The following CCDC40 variants were observed in gnomAD, a reference collection of about 807,000 sequenced individuals.
CCDC40 encodes the protein coiled-coil domain 40 molecular ruler complex subunit, also known as coiled-coil domain-containing protein 40.
A neutral mutation model predicts 124.5 loss-of-function variants in CCDC40; 104 were observed. The observed-to-expected ratio is 0.84, with a 90% confidence interval of 0.71 to 0.98. CCDC40 has a LOEUF of 0.98. CCDC40 is among the 50% of genes least tolerant of loss of function. CCDC40 has a pLI of 0.00. For missense variants in CCDC40, 1,463 were observed against 1,503.9 expected, an observed-to-expected ratio of 0.97 and a Z score of 0.45; for synonymous variants, 580 against 602.9, an observed-to-expected ratio of 0.96 and a Z score of 0.56.
chr17:80,075,784 A>G (rs1402017870), intron 10 of CCDC40, among the ~76,000 whole-genome samples: 2 of 149,844 alleles, frequency 1.3e-5, no homozygotes, highest in South Asian at 2.1e-4. Flanking sequence ...CGGCCCCAAA[A>G]TATCACCTTT....
intron 7 of CCDC40, chr17:80,051,400 C>A: frequency 2.7e-5 from 10 of 364,820 alleles, no homozygotes; most frequent in Non-Finnish European, 3.8e-5. Context: ...GAGGCCGAGG[C>A]GGGCGGATCA....
intron 19 of CCDC40, chr17:80,097,814 C>G: frequency 4.4e-6 from 1 of 227,612 alleles, no homozygotes; most frequent in Non-Finnish European, 8.9e-6. Flanking sequence ...GTGGGAGGAT[C>G]GCTTGAGCCT....
Position 80,081,555 on chromosome 17 carries a change from G to A in CCDC40, c.1572G>A (p.Gln524=), listed in dbSNP as rs754036161. Residue 524 remains glutamine, a synonymous_variant, in exon 11 of 20, where the codon CAG becomes CAA. Coordinates refer to ENST00000397545, the MANE Select transcript of CCDC40 (RefSeq NM_017950.4). ...RAVLEALRGC[Q]HQAKSTDGEI... ...CGCTGCATTTCTACAGAGGATGCCAGCATCAAGCCAAATCCACCGACGGCG... is the reference window on the plus strand; with the variant it reads ...CGCTGCATTTCTACAGAGGATGCCAACATCAAGCCAAATCCACCGACGGCG... The A allele has an allele frequency of 6.2e-7, 1 of 1,613,572 alleles. No individual in the cohort carries two copies. The highest frequency in any genetic ancestry group is 8.5e-7 in the Non-Finnish European group (1 of 1,180,040).
In CCDC40 at chr17:80,037,688, A is replaced by AAAAAATATATATAT; in HGVS notation, c.30-434_30-433insAAAATATATATATA. 1.7e-3 allele frequency among the ~76,000 whole-genome samples: 78 copies of AAAAAATATATATAT among 45,702 alleles called. 1 individual carries two copies. Among genetic ancestry groups the AAAAAATATATATAT allele is most frequent in the African/African-American group, 4.3e-3 (73 of 16,970 alleles). The allele number at this position is 45,702 out of a possible 152,430, so 30.0% of individuals were successfully genotyped here. A position where few individuals can be genotyped will look rare whatever the true frequency, so the allele number is the denominator to read the frequency against. ...AGCTTGAATCTTTAATTTTTTAAAA[A>AAAAAATATATATAT]AGATATACATATATATATATATATA... On this transcript the variant is annotated intron_variant, in intron 1 of 19. Transcript: ENST00000397545.
At position 80,067,475 on chromosome 17, in the gene CCDC40, C is replaced by T. The variant is rs1026832235; in HGVS notation, c.1562+1869C>T. On this transcript the variant is annotated intron_variant, in intron 10 of 19. Transcript: ENST00000397545. Reference sequence around the variant, plus strand: ...GTGGGAGCACACCACACTCACTGTTCTGCACCTCTTTGCTTTTTCCATTTA... The same window carrying T: ...GTGGGAGCACACCACACTCACTGTTTTGCACCTCTTTGCTTTTTCCATTTA... The T allele has an allele frequency of 5.5e-6, 5 of 909,454 alleles. No individual in the cohort carries two copies. The Admixed American group carries it at 1.0e-4, about 18-fold the overall frequency. 56.3% of individuals were successfully genotyped at this position (909,454 alleles called of 1,614,324 possible). A position where few individuals can be genotyped will look rare whatever the true frequency, so the allele number is the denominator to read the frequency against.
Position 80,087,899 on chromosome 17 carries a change from T to C in CCDC40, c.2620-112T>C. ...CCCGTTCAAGATGCTTGTAGGGGTA[T>C]TAGAAATCCAGCCTGCAGCCCTGCC... On this transcript the variant is annotated intron_variant, in intron 15 of 19. Coordinates refer to ENST00000397545, the MANE Select transcript of CCDC40 (RefSeq NM_017950.4). This position sits in a 1 kb window ranked among gnomAD's most constrained non-coding sequence, Gnocchi z 4.5. 3.1e-6 allele frequency: 4 copies of C among 1,285,472 alleles called. No individual in the cohort carries two copies. Among genetic ancestry groups the C allele is most frequent in the Admixed American group, 3.4e-5 (2 of 59,440 alleles). 79.6% of individuals were successfully genotyped at this position (1,285,472 alleles called of 1,614,324 possible).
At chr17:80,085,017 C>A in intron 13 of CCDC40, 29 bp downstream of exon 13, 1 of 1,611,208 alleles carries the variant, frequency 6.2e-7, no homozygotes, top group East Asian at 2.2e-5. Context: ...AGACGTGGTC[C>A]CCGGCTGACT....
intron 7 of CCDC40, among the ~76,000 whole-genome samples, chr17:80,051,096 C>G (rs1174320564): frequency 1.3e-5 from 2 of 152,186 alleles, no homozygotes. Context: ...ATGTAGGTGA[C>G]CGGGGACAGT....
In CCDC40 at chr17:80,086,239, C is replaced by T. The variant is rs752207826; in HGVS notation, c.2449+23C>T. ...AAAGTAAGAGCCGCCGTGCCCGGCC[C>T]TGCAGTGATGCTGAGACGAGCTCTG... On this transcript the variant is annotated intron_variant, in intron 14 of 19. Transcript: ENST00000397545. This position sits in a 1 kb window ranked among gnomAD's most constrained non-coding sequence, Gnocchi z 5.5. 27 of 1,560,862 alleles carry T rather than the reference C, an allele frequency of 1.7e-5. No individual in the cohort carries two copies. Among genetic ancestry groups the T allele is most frequent in the Non-Finnish European group, 2.3e-5 (27 of 1,150,802 alleles).
chr17:80,097,902 AAAGAAAAGAAAAG>A, intron 19 of CCDC40: 1 of 13,206 alleles, frequency 7.6e-5, no homozygotes, highest in Non-Finnish European at 1.5e-4. Context: ...CCTGTCTCAA[AAAGAAAAGAAAAG>A]AAAAGAAAAG....
rs530641152 is a variant in CCDC40 at position 80,071,023 on chromosome 17, G to T, written c.1562+5417G>T. 2.0e-5 allele frequency among the ~76,000 whole-genome samples: 3 copies of T among 152,344 alleles called. No individual in the cohort carries two copies. In the South Asian group the frequency reaches 6.2e-4, roughly 32 times the overall value. On this transcript the variant is annotated intron_variant, in intron 10 of 19. Transcript: ENST00000397545. ...CCACACCAACCCTTCAAAGACCGCA[G>T]CGGTCCAGGCAATCCAACGTGGGTC...
intron 10 of CCDC40, among the ~76,000 whole-genome samples, chr17:80,071,473 C>A (rs1432660189): frequency 6.6e-6 from 1 of 152,210 alleles, no homozygotes; most frequent in Non-Finnish European, 1.5e-5. Flanking sequence ...GTGTCCCCCC[C>A]TTAATCCTCA....
chr17:80,079,201 T>C (rs914137468), intron 10 of CCDC40, among the ~76,000 whole-genome samples: 1 of 152,168 alleles, frequency 6.6e-6, no homozygotes. Flanking sequence ...TTTATTCAAA[T>C]AGTCAGAAAG....
At position 80,072,619 on chromosome 17, in the gene CCDC40, C is replaced by T. The variant is rs187847766; in HGVS notation, c.1562+7013C>T. Among the ~76,000 whole-genome samples the T allele has an allele frequency of 1.3e-4, 20 of 152,270 alleles. No homozygotes were observed. The East Asian group carries it at 3.1e-3, about 24-fold the overall frequency. ...CCTCCAGCCCTGGCAACCGCTGTGCCGCCTTCTGTGCCTATAGCTCTGCCA... is the reference window on the plus strand; with the variant it reads ...CCTCCAGCCCTGGCAACCGCTGTGCTGCCTTCTGTGCCTATAGCTCTGCCA... On this transcript the variant is annotated intron_variant, in intron 10 of 19. Coordinates refer to ENST00000397545, the MANE Select transcript of CCDC40 (RefSeq NM_017950.4).
intron 10 of CCDC40, among the ~76,000 whole-genome samples, chr17:80,073,743 T>C (rs1214198358): frequency 6.6e-6 from 1 of 152,146 alleles, no homozygotes; most frequent in Non-Finnish European, 1.5e-5. Context: ...TCCCCCAGGC[T>C]GGAGGGCAGT....
In CCDC40 at chr17:80,048,603, G is replaced by A. The variant is rs201815496; in HGVS notation, c.697G>A (p.Asp233Asn). Residue 233 changes from aspartate (D) to asparagine (N), a missense_variant, in exon 5 of 20, where the codon GAT (aspartate) becomes AAT (asparagine). Transcript: ENST00000397545. ...QEPVIPPGVPDAHPREGDLPV... is the reference protein window; with the variant it reads ...QEPVIPPGVPNAHPREGDLPV... Reference sequence around the variant, plus strand: ...CCCAGTGATCCCCCCAGGGGTGCCCGATGCCCACCCCAGGGAAGGAGACCT... The same window carrying A: ...CCCAGTGATCCCCCCAGGGGTGCCCAATGCCCACCCCAGGGAAGGAGACCT... 433 of 1,613,598 alleles carry A rather than the reference G, an allele frequency of 2.7e-4. No individual in the cohort carries two copies. Among genetic ancestry groups the A allele is most frequent in the Middle Eastern group, 2.5e-3 (15 of 6,024 alleles).
At chr17:80,041,026 A>G (rs2037266172) in intron 3 of CCDC40, among the ~76,000 whole-genome samples, 1 of 152,222 alleles carries the variant, frequency 6.6e-6, no homozygotes, top group Non-Finnish European at 1.5e-5. Flanking sequence ...AACAATGACA[A>G]TAGCTGCGTT....
chr17:80,074,071 C>T (rs1598522981), intron 10 of CCDC40, among the ~76,000 whole-genome samples: 1 of 152,180 alleles, frequency 6.6e-6, no homozygotes. Flanking sequence ...AAAGCTAGGC[C>T]TCTTGCACCA....
chr17:80,090,894 C>A, intron 17 of CCDC40: 1 of 821,354 alleles, frequency 1.2e-6, no homozygotes, highest in Non-Finnish European at 1.5e-6. Flanking sequence ...TTAAAAATAC[C>A]AAATTTAATT....
Sources: allele counts gnomAD v4.1 joint callset (sites outside exome capture counted in the v4.1 genomes callset), GRCh38; gene constraint gnomAD v4.1.1; non-coding constraint Gnocchi (gnomAD v3.1); transcripts MANE v1.5; gene names NCBI Gene and HGNC (gene_info 2026-07-23, HGNC 2026-07-21).